TPST1: variants seen among roughly 807,000 people sequenced by gnomAD.
The protein encoded by TPST1 is tyrosylprotein sulfotransferase 1.
TPST1 carries 20 observed loss-of-function variants against 34.8 expected under a neutral mutation model. The observed-to-expected ratio is 0.57, with a 90% CI of 0.40 to 0.84. The LOEUF is 0.84. Ranked by LOEUF, TPST1 falls within the 40% of genes least tolerant of loss-of-function variation. The pLI is 0.00. For synonymous variants in TPST1, 152 were observed against 159.4 expected (o/e 0.95, Z 0.35); for missense variants, 353 against 455.5 (o/e 0.78, Z 2.05).
At chr7:66,329,112 C>T (rs1249419742) in intron 3 of TPST1, among the ~76,000 whole-genome samples, 2 of 151,144 alleles carry the variant, frequency 1.3e-5, no homozygotes, top group Admixed American at 6.6e-5. Flanking sequence ...GAGGCTTCTC[C>T]ATGTTGTCCA....
At chr7:66,316,338 G>A (rs1017395695) in intron 3 of TPST1, among the ~76,000 whole-genome samples, 1 of 152,196 alleles carries the variant, frequency 6.6e-6, no homozygotes, top group Non-Finnish European at 1.5e-5. Flanking sequence ...GAAGCTTAAT[G>A]ATCTAAGACG....
chr7:66,248,583 A>G (rs1273828739), intron 2 of TPST1, among the ~76,000 whole-genome samples: 2 of 144,416 alleles, frequency 1.4e-5, no homozygotes, highest in Non-Finnish European at 3.0e-5. Flanking sequence ...GGCTCACTGC[A>G]ACCTCTGCCT....
chr7:66,234,400 T>TACACACACACACACACACACACAC lies in TPST1; in HGVS notation c.-101-5917_-101-5894dup, dbSNP rs56139529. On this transcript the variant is annotated intron_variant, in intron 1 of 5. Coordinates refer to ENST00000304842, the MANE Select transcript of TPST1 (RefSeq NM_003596.4). ...CAAGCTTGAAAAATAAAAGCATGGC[T>TACACACACACACACACACACACAC]ACACACACACACACACACACACACA... Among the ~76,000 whole-genome samples the TACACACACACACACACACACACAC allele has an allele frequency of 3.8e-3, 546 of 142,916 alleles. 4 individuals are homozygous for TACACACACACACACACACACACAC. The highest frequency in any genetic ancestry group is 4.9e-3 in the Non-Finnish European group (324 of 65,602). 93.8% of individuals were successfully genotyped at this position (142,916 alleles called of 152,430 possible).
chr7:66,273,899 T>A (rs535827473), intron 2 of TPST1, among the ~76,000 whole-genome samples: 12 of 152,042 alleles, frequency 7.9e-5, no homozygotes, highest in African/African-American at 2.7e-4. Context: ...GCCTTCTGGG[T>A]TCAAGCGATT....
At chr7:66,311,497 A>G (rs1158101500) in intron 3 of TPST1, among the ~76,000 whole-genome samples, 1 of 152,198 alleles carries the variant, frequency 6.6e-6, no homozygotes, top group Non-Finnish European at 1.5e-5. Context: ...TGTAAAGAAT[A>G]TATAAGGAAG....
chr7:66,262,401 C>T (rs1232617734), intron 2 of TPST1, among the ~76,000 whole-genome samples: 2 of 152,164 alleles, frequency 1.3e-5, no homozygotes, highest in Non-Finnish European at 2.9e-5. Flanking sequence ...CCAGAGAACT[C>T]TGGATAACTA....
At chr7:66,218,122 G>T (rs1789463670) in intron 1 of TPST1, among the ~76,000 whole-genome samples, 2 of 152,102 alleles carry the variant, frequency 1.3e-5, no homozygotes, top group African/African-American at 2.4e-5. Context: ...CAAGTGATCT[G>T]CCCGCCTTGG....
chr7:66,338,446 G>T (rs939193479), intron 3 of TPST1, among the ~76,000 whole-genome samples: 1 of 152,062 alleles, frequency 6.6e-6, no homozygotes. Flanking sequence ...ACAAAGAAAC[G>T]TAGACATTAA....
intron 3 of TPST1, among the ~76,000 whole-genome samples, chr7:66,296,053 G>A (rs548439217): frequency 9.9e-5 from 15 of 152,268 alleles, no homozygotes; most frequent in African/African-American, 3.6e-4. Context: ...TATTTTGAGG[G>A]TTCTTAGGCA....
At chr7:66,245,837 T>C (rs1790135687) in intron 2 of TPST1, among the ~76,000 whole-genome samples, 1 of 152,186 alleles carries the variant, frequency 6.6e-6, no homozygotes, top group Non-Finnish European at 1.5e-5. Flanking sequence ...TCACCTGAGC[T>C]CTACTAGCTC....
At chr7:66,351,194 G>A (rs142804123) in intron 3 of TPST1, among the ~76,000 whole-genome samples, 235 of 152,246 alleles carry the variant, frequency 1.5e-3, no homozygotes, top group African/African-American at 5.4e-3. Flanking sequence ...TGAAGATGTA[G>A]TATATTATTC....
At chr7:66,328,543 GTT>G (rs773347145) in intron 3 of TPST1, among the ~76,000 whole-genome samples, 3 of 150,018 alleles carry the variant, frequency 2.0e-5, no homozygotes, top group Non-Finnish European at 4.4e-5. Flanking sequence ...AAATGAAATA[GTT>G]TTTTTTTGTT....
At chr7:66,304,363 AG>A (rs1453687855) in intron 3 of TPST1, among the ~76,000 whole-genome samples, 1 of 152,208 alleles carries the variant, frequency 6.6e-6, no homozygotes, top group African/African-American at 2.4e-5. Context: ...GTGGAGCTTT[AG>A]GAGAGGCCAG....
intron 2 of TPST1, among the ~76,000 whole-genome samples, chr7:66,274,479 A>G (rs1052995842): frequency 1.3e-5 from 2 of 152,274 alleles, no homozygotes; most frequent in South Asian, 2.1e-4. Flanking sequence ...CTGAAACTGT[A>G]TAACTATCAG....
intron 3 of TPST1, among the ~76,000 whole-genome samples, chr7:66,310,803 G>T (rs1791514855): frequency 6.8e-6 from 1 of 147,056 alleles, no homozygotes; most frequent in Non-Finnish European, 1.5e-5. Context: ...AATTTGAAGA[G>T]TATTTATTTA....
At chr7:66,284,776 C>G (rs1215056355) in intron 2 of TPST1, among the ~76,000 whole-genome samples, 1 of 151,992 alleles carries the variant, frequency 6.6e-6, no homozygotes, top group East Asian at 1.9e-4. Context: ...AGGATGGTCT[C>G]GAACTCCTGA....
At chr7:66,355,529 A>G (rs1792564976) in intron 4 of TPST1, among the ~76,000 whole-genome samples, 1 of 151,986 alleles carries the variant, frequency 6.6e-6, no homozygotes, top group Admixed American at 6.6e-5. Flanking sequence ...AATATAGATC[A>G]TCATCGTAAG....
At chr7:66,348,851 T>C (rs752349877) in intron 3 of TPST1, among the ~76,000 whole-genome samples, 16 of 152,324 alleles carry the variant, frequency 1.1e-4, no homozygotes, top group Admixed American at 4.6e-4. Context: ...AGCTGCCCAC[T>C]GAATTTTTGC....
intron 1 of TPST1, among the ~76,000 whole-genome samples, chr7:66,209,144 G>C (rs1231178948): frequency 3.3e-5 from 5 of 151,968 alleles, no homozygotes; most frequent in Non-Finnish European, 7.4e-5. Flanking sequence ...GTGGTGGTGG[G>C]CGCCTGTAAT....
Sources: allele counts gnomAD v4.1 joint callset (sites outside exome capture counted in the v4.1 genomes callset), GRCh38; gene constraint gnomAD v4.1.1; transcripts MANE v1.5; gene names NCBI Gene and HGNC (gene_info 2026-07-23, HGNC 2026-07-21).